Variants in SEC16B observed in about 807,000 individuals in gnomAD.
SEC16B encodes the protein protein transport protein Sec16B.
SEC16B carries 115 observed loss-of-function variants against 141.8 expected under a neutral mutation model. The ratio of observed to expected loss-of-function variants is 0.81; its 90% CI spans 0.70 to 0.95. The LOEUF (loss-of-function observed/expected upper bound fraction) is 0.95, where lower values mean the gene tolerates loss of function less well. Among genes scored for constraint, SEC16B ranks in the 40% least tolerant of loss-of-function variants. The probability of loss-of-function intolerance (pLI) is 0.00; values close to 1 mark genes in which losing one functional copy is unlikely to be tolerated. For missense variants in SEC16B, 1,291 were observed against 1,312.3 expected (o/e 0.98, Z 0.25); for synonymous variants, 493 against 492.5 (o/e 1.00, Z -0.01).
chr1:177,967,487 A>C (rs1336994360), intron 2 of SEC16B, among the ~76,000 whole-genome samples, 196 bp downstream of exon 2: 4 of 152,282 alleles, frequency 2.6e-5, no homozygotes, highest in African/African-American at 9.6e-5. Flanking sequence ...TAGGGGAAAA[A>C]CAGGAGAGAA....
Position 177,937,580 on chromosome 1 carries a change from A to G in SEC16B, c.2204-67T>C, listed in dbSNP as rs1272686190. On this transcript the variant is annotated intron_variant, in intron 18 of 25. Coordinates refer to ENST00000308284, the MANE Select transcript of SEC16B (RefSeq NM_033127.4). ...GCGGCATTTGCATACTGATCACACC[A>G]GAAACATTCCTGCTTATGTCTTCTT... 3.8e-6 allele frequency: 5 copies of G among 1,312,696 alleles called. No individual in the cohort carries two copies. The African/African-American group carries it at 6.0e-5, about 16-fold the overall frequency. 81.3% of individuals were successfully genotyped at this position (1,312,696 alleles called of 1,614,324 possible). A position where few individuals can be genotyped will look rare whatever the true frequency, so the allele number is the denominator to read the frequency against.
chr1:177,944,725 C>A (rs1045199020), intron 14 of SEC16B, 59 bp from the exon 15 acceptor site: 210 of 1,375,416 alleles, frequency 1.5e-4, no homozygotes, highest in Non-Finnish European at 2.1e-4. Flanking sequence ...GGAGTTAAAT[C>A]CTAGTGGCTC....
chr1:177,956,420 A>G (rs1652605803), intron 10 of SEC16B, among the ~76,000 whole-genome samples: 1 of 152,192 alleles, frequency 6.6e-6, no homozygotes, highest in Non-Finnish European at 1.5e-5. Context: ...AGGTACAGAA[A>G]TGGTATACAG....
At chr1:177,971,164 C>T, upstream of SEC16B, among the ~76,000 whole-genome samples, 1 of 151,974 alleles carries the variant, frequency 6.6e-6, no homozygotes, top group East Asian at 1.9e-4. Context: ...TCACTGCAAC[C>T]TCTACCTCCC....
intron 12 of SEC16B, among the ~76,000 whole-genome samples, chr1:177,950,665 G>A (rs1652117911): frequency 1.3e-5 from 2 of 151,936 alleles, no homozygotes; most frequent in South Asian, 4.1e-4. Flanking sequence ...AAATAATGAA[G>A]CAATTGCATC....
At chr1:177,979,032 C>A (rs542929937) in intron 1 of SEC16B, among the ~76,000 whole-genome samples, 1 of 152,182 alleles carries the variant, frequency 6.6e-6, no homozygotes, top group South Asian at 2.1e-4. Context: ...GATACTTTTA[C>A]CAAATTCACA....
chr1:177,950,195 T>G (rs1652061769), intron 12 of SEC16B, among the ~76,000 whole-genome samples: 1 of 151,848 alleles, frequency 6.6e-6, no homozygotes, highest in Non-Finnish European at 1.5e-5. Flanking sequence ...TTATTTAAAC[T>G]AGTGTTCACC....
In SEC16B at chr1:177,944,592, C is replaced by G. The variant is rs1291876311; in HGVS notation, c.1850G>C (p.Gly617Ala). Residue 617 changes from glycine to alanine, a missense_variant, in exon 15 of 26, where the codon GGC (glycine) becomes GCC (alanine). Gly to Ala is a moderately conservative substitution (Grantham distance 60). Around this residue, in one of 3 missense-constraint regions of SEC16B, gnomAD observed 605 missense variants for 614.1 expected, o/e 0.99. Transcript: ENST00000308284. ...TEIFEYCQML[G>A]RPKSFIPSFQ... ...AGAAGGGATGAAGGATTTGGGGCGG[C>G]CCAGCATCTGACAGTACTCGAAGAT... 2 of 1,613,824 alleles carry G rather than the reference C, an allele frequency of 1.2e-6. No individual in the cohort carries two copies. Among genetic ancestry groups the G allele is most frequent in the South Asian group, 1.1e-5 (1 of 91,060 alleles).
At chr1:177,940,150 C>T (rs766969647) in intron 17 of SEC16B, among the ~76,000 whole-genome samples, 1 of 152,186 alleles carries the variant, frequency 6.6e-6, no homozygotes, top group Non-Finnish European at 1.5e-5. Context: ...AGGCCCTGTT[C>T]CAATTACTGT....
chr1:177,958,519 C>A (rs16828589), intron 9 of SEC16B, 157 bp from the exon 10 acceptor site: 135,360 of 618,988 alleles, frequency 0.22, 17,004 homozygotes, highest in African/African-American at 0.44. Context: ...ATATTTCAGA[C>A]TTCAGCATCA....
chr1:177,964,503 G>C (rs1653349849), intron 4 of SEC16B, among the ~76,000 whole-genome samples: 1 of 152,188 alleles, frequency 6.6e-6, no homozygotes, highest in African/African-American at 2.4e-5. Context: ...GTGGCCTCAG[G>C]CCCTGATGAG....
chr1:177,946,284 A>G, intron 14 of SEC16B, 136 bp downstream of exon 14: 1 of 752,930 alleles, frequency 1.3e-6, no homozygotes, highest in Non-Finnish European at 2.4e-6. Context: ...TGCACAGATA[A>G]CAATCCCAAA....
chr1:177,950,228 G>A (rs762609502), intron 12 of SEC16B, among the ~76,000 whole-genome samples: 5 of 152,202 alleles, frequency 3.3e-5, no homozygotes, highest in South Asian at 2.1e-4. Context: ...CTCAAGATAC[G>A]AGAAAAGGCT....
chr1:177,958,384 C>G (rs372429812), intron 9 of SEC16B, 22 bp from the exon 10 acceptor site: 3 of 1,533,082 alleles, frequency 2.0e-6, no homozygotes, highest in Non-Finnish European at 2.6e-6. Context: ...AGAGGATCAT[C>G]TGGGGAGAAT....
intron 1 of SEC16B, among the ~76,000 whole-genome samples, chr1:177,981,476 C>G (rs1254782791): frequency 6.6e-6 from 1 of 152,184 alleles, no homozygotes; most frequent in East Asian, 1.9e-4. Flanking sequence ...TGTCAACCTA[C>G]AGCAGCAAGC....
At chr1:177,949,040 A>G (rs912321021) in intron 12 of SEC16B, among the ~76,000 whole-genome samples, 3 of 152,092 alleles carry the variant, frequency 2.0e-5, no homozygotes, top group Non-Finnish European at 4.4e-5. Context: ...AAGATTGCCA[A>G]TAATAACTAA....
upstream of SEC16B, among the ~76,000 whole-genome samples, chr1:177,972,565 T>G (rs1029434936): frequency 1.3e-5 from 2 of 152,196 alleles, no homozygotes; most frequent in Non-Finnish European, 2.9e-5. Flanking sequence ...TGCTCTGTCC[T>G]CATACTTGAT....
intron 8 of SEC16B, chr1:177,959,936 G>T: frequency 8.9e-6 from 2 of 224,762 alleles, no homozygotes; most frequent in Admixed American, 5.2e-5. Flanking sequence ...CTTGAACACT[G>T]CCGATCTTAT....
chr1:177,965,043 T>A lies in SEC16B; in HGVS notation c.533+4A>T, dbSNP rs1448964581. 1.2e-6 allele frequency: 2 copies of A among 1,613,212 alleles called. No individual in the cohort carries two copies. Among genetic ancestry groups the A allele is most frequent in the Non-Finnish European group, 1.7e-6 (2 of 1,179,596 alleles). ...GTCAAACTGGCCTCTCCTTTCACAC[T>A]TACTGGAAGTGGGTCTCACTATTTG... On this transcript the variant is annotated splice_donor_region_variant and intron_variant, in intron 4 of 25. Coordinates refer to ENST00000308284, the MANE Select transcript of SEC16B (RefSeq NM_033127.4).
Sources: allele counts gnomAD v4.1 joint callset (sites outside exome capture counted in the v4.1 genomes callset), GRCh38; gene constraint gnomAD v4.1.1; regional missense constraint gnomAD v4.1.1; transcripts MANE v1.5; gene names NCBI Gene and HGNC (gene_info 2026-07-23, HGNC 2026-07-21).